TMEM232: variants seen among roughly 807,000 people sequenced by gnomAD.
The protein encoded by TMEM232 is transmembrane protein 232.
TMEM232 carries 80 observed loss-of-function variants against 78.8 expected under a neutral mutation model. That is an observed-to-expected ratio of 1.01 (90% confidence interval 0.85 to 1.22). The LOEUF (loss-of-function observed/expected upper bound fraction) is 1.22. Ranked by LOEUF, TMEM232 falls within the 50% of genes most tolerant of loss-of-function variation. TMEM232 has a pLI of 0.00. For missense variants in TMEM232, 881 were observed against 742.2 expected (o/e 1.19, Z -2.17); for synonymous variants, 297 against 254.3 (o/e 1.17, Z -1.60).
At position 110,458,280 on chromosome 5, in the gene TMEM232, G is replaced by GT. The variant is rs368766178; in HGVS notation, c.1704-33365dup. ...GTCTTTGTTTTGTCATCTTTTTTTTGTTTTTTTTTCAGGTTGTCTCCAGTG... is the reference window on the plus strand; with the variant it reads ...GTCTTTGTTTTGTCATCTTTTTTTTGTTTTTTTTTTCAGGTTGTCTCCAGTG... On this transcript the variant is annotated intron_variant, in intron 12 of 13. Transcript: ENST00000455884. Among the ~76,000 whole-genome samples, 427 of 145,190 alleles carry GT rather than the reference G, an allele frequency of 2.9e-3. 2 individuals are homozygous for GT. The highest frequency in any genetic ancestry group is 0.017 in the Middle Eastern group (5 of 288).
rs147495908 is a variant in TMEM232 at position 110,618,504 on chromosome 5, T to C, written c.827A>G (p.Gln276Arg). 1.9e-3 allele frequency: 2,887 copies of C among 1,551,720 alleles called. 53 individuals are homozygous for C. The African/African-American group carries it at 0.033, about 18-fold the overall frequency. The change falls in exon 8 of 14, where the codon CAG becomes CGG. Residue 276 changes from glutamine to arginine, a missense_variant. Physicochemically the swap from Gln to Arg is conservative, Grantham distance 43 (BLOSUM62 1). Transcript: ENST00000455884. Reference protein sequence around the residue: ...WHCVAAWSCVQNNSPQLNNVL... With the variant: ...WHCVAAWSCVRNNSPQLNNVL... Reference sequence around the variant, plus strand: ...GTTATTCAACTGAGGACTGTTATTCTGAACACAAGACCAAGCAGCAACACA... The same window carrying C: ...GTTATTCAACTGAGGACTGTTATTCCGAACACAAGACCAAGCAGCAACACA...
intron 1 of TMEM232, among the ~76,000 whole-genome samples, chr5:110,699,855 C>T (rs957587266): frequency 6.6e-6 from 1 of 152,028 alleles, no homozygotes; most frequent in African/African-American, 2.4e-5. Context: ...CCTTCAATAA[C>T]CTATATCTCC....
At chr5:110,524,781 T>C (rs2149515868) in intron 12 of TMEM232, among the ~76,000 whole-genome samples, 1 of 152,278 alleles carries the variant, frequency 6.6e-6, no homozygotes, top group South Asian at 2.1e-4. Flanking sequence ...GCCGTCTATT[T>C]CTCCAATTCT....
chr5:110,535,595 A>C (rs1252568993), intron 11 of TMEM232, among the ~76,000 whole-genome samples: 1 of 152,212 alleles, frequency 6.6e-6, no homozygotes, highest in African/African-American at 2.4e-5. Context: ...AAATGTTAAA[A>C]ATTAATGACA....
At chr5:110,450,228 A>C (rs528526270) in intron 12 of TMEM232, among the ~76,000 whole-genome samples, 1 of 152,296 alleles carries the variant, frequency 6.6e-6, no homozygotes. Context: ...TCTGAATAAA[A>C]TACTCAGTCT....
At chr5:110,629,911 A>C (rs989198837) in intron 5 of TMEM232, among the ~76,000 whole-genome samples, 2 of 152,214 alleles carry the variant, frequency 1.3e-5, no homozygotes, top group Non-Finnish European at 2.9e-5. Flanking sequence ...CAAAATATAA[A>C]AGAAAATATA....
intron 10 of TMEM232, among the ~76,000 whole-genome samples, chr5:110,604,710 G>C (rs915457318): frequency 1.3e-5 from 2 of 152,094 alleles, no homozygotes; most frequent in Non-Finnish European, 2.9e-5. Context: ...TGCAATCCCA[G>C]CACTTTGGAA....
At chr5:110,697,172 A>C (rs1794890088) in intron 1 of TMEM232, among the ~76,000 whole-genome samples, 1 of 152,212 alleles carries the variant, frequency 6.6e-6, no homozygotes, top group Admixed American at 6.5e-5. Context: ...ATCTTTGACA[A>C]ACCTGACAAA....
chr5:110,614,013 T>TA (rs906109218), intron 8 of TMEM232, among the ~76,000 whole-genome samples: 35 of 151,992 alleles, frequency 2.3e-4, no homozygotes, highest in African/African-American at 7.5e-4. Context: ...TAATCTTTTT[T>TA]AAAAAAAAGA....
chr5:110,465,053 T>C (rs1259184371), intron 12 of TMEM232, among the ~76,000 whole-genome samples: 1 of 152,228 alleles, frequency 6.6e-6, no homozygotes, highest in African/African-American at 2.4e-5. Flanking sequence ...AAAGCTGAGA[T>C]GGTCTAACAA....
intron 12 of TMEM232, among the ~76,000 whole-genome samples, chr5:110,515,329 C>T (rs890979661): frequency 1.3e-5 from 2 of 152,210 alleles, no homozygotes; most frequent in African/African-American, 2.4e-5. Flanking sequence ...CTAAACCCAA[C>T]TTCCCAATGA....
chr5:110,663,076 G>A (rs1156298148), intron 2 of TMEM232, among the ~76,000 whole-genome samples: 1 of 151,940 alleles, frequency 6.6e-6, no homozygotes, highest in East Asian at 1.9e-4. Context: ...ATGCCATGAT[G>A]CCCATACAGC....
chr5:110,409,989 C>T (rs1199947425), intron 2 of TMEM232, among the ~76,000 whole-genome samples: 1 of 152,136 alleles, frequency 6.6e-6, no homozygotes, highest in Non-Finnish European at 1.5e-5. Context: ...TGTCTGTATC[C>T]GTTGGCCTGA....
chr5:110,723,197 G>A (rs10463611), intron 1 of TMEM232, among the ~76,000 whole-genome samples: 2 of 152,004 alleles, frequency 1.3e-5, no homozygotes, highest in Non-Finnish European at 2.9e-5. Flanking sequence ...AATAGTTATA[G>A]GTCTATTCAG....
chr5:110,520,434 A>C (rs1349154058), intron 12 of TMEM232, among the ~76,000 whole-genome samples: 1 of 152,166 alleles, frequency 6.6e-6, no homozygotes, highest in Non-Finnish European at 1.5e-5. Context: ...TGATAGCAAA[A>C]CGTGACAAAG....
intron 10 of TMEM232, among the ~76,000 whole-genome samples, chr5:110,575,784 C>A (rs756217395): frequency 6.6e-6 from 1 of 152,000 alleles, no homozygotes; most frequent in Non-Finnish European, 1.5e-5. Context: ...TCCCACAGAT[C>A]TTTGCAACCC....
intron 10 of TMEM232, among the ~76,000 whole-genome samples, chr5:110,576,611 A>G (rs1402033264): frequency 1.3e-5 from 2 of 152,276 alleles, no homozygotes; most frequent in East Asian, 1.9e-4. Flanking sequence ...AGCTGGAGGC[A>G]TTAAGCTACC....
chr5:110,694,566 C>T (rs1374783767), intron 1 of TMEM232, among the ~76,000 whole-genome samples: 10 of 152,086 alleles, frequency 6.6e-5, no homozygotes, highest in Non-Finnish European at 7.4e-5. Flanking sequence ...ACCCATCTCA[C>T]GTGCAGAGAT....
chr5:110,695,260 C>G (rs1476691143), intron 1 of TMEM232, among the ~76,000 whole-genome samples: 3 of 152,080 alleles, frequency 2.0e-5, no homozygotes, highest in African/African-American at 7.2e-5. Context: ...CCAATGAGAA[C>G]AAAGACACAA....
Sources: gnomAD v4.1 joint callset for allele counts (sites outside exome capture counted in the v4.1 genomes callset) on GRCh38, gnomAD v4.1.1 for gene constraint, MANE v1.5 for transcripts, NCBI Gene and HGNC (gene_info 2026-07-23, HGNC 2026-07-21) for gene names.